R3HDM2: variants seen among roughly 807,000 people sequenced by gnomAD.
R3HDM2 encodes the protein R3H domain containing 2.
In R3HDM2, 38 loss-of-function variants were observed where a neutral mutation model predicts 124.5. That is an observed-to-expected ratio of 0.31 (90% CI 0.24 to 0.40). R3HDM2 has a LOEUF of 0.40. R3HDM2 is among the 10% of genes least tolerant of loss of function. The pLI, the probability that R3HDM2 is intolerant of heterozygous loss-of-function variation, is 1.00. For synonymous variants in R3HDM2, 391 were observed against 448.0 expected (o/e 0.87, Z 1.61); for missense variants, 869 against 1,236.9 (o/e 0.70, Z 4.46).
intron 2 of R3HDM2, among the ~76,000 whole-genome samples, chr12:57,348,839 G>A (rs190813285): frequency 8.3e-4 from 126 of 152,038 alleles, no homozygotes; most frequent in Non-Finnish European, 1.5e-3. Context: ...GCAGTGAGCC[G>A]TGATCGCACC....
chr12:57,379,331 A>T (rs2064523343), intron 2 of R3HDM2, among the ~76,000 whole-genome samples: 1 of 152,240 alleles, frequency 6.6e-6, no homozygotes, highest in Admixed American at 6.5e-5. Flanking sequence ...CTGTAATCCC[A>T]GCACTTTGGG....
chr12:57,416,311 T>C (rs2069596485), intron 1 of R3HDM2, among the ~76,000 whole-genome samples: 1 of 152,078 alleles, frequency 6.6e-6, no homozygotes, highest in Non-Finnish European at 1.5e-5. Flanking sequence ...AACATACAAA[T>C]GTGGCAAAAT....
rs1372663247 is a variant in R3HDM2, at chr12:57,296,038, T to A, written c.701+373A>T. ...GCGCCTGCCACCGCGCCCGGCTAATTTTTGTATTTTTAGTAGAGACGGGGT... is the reference window on the plus strand; with the variant it reads ...GCGCCTGCCACCGCGCCCGGCTAATATTTGTATTTTTAGTAGAGACGGGGT... On this transcript the variant is annotated intron_variant, in intron 9 of 23. Transcript: ENST00000402412. The surrounding 1 kb of genome is among the most constrained non-coding windows in gnomAD (Gnocchi z 4.5). Among the ~76,000 whole-genome samples, 1 of 152,102 alleles carries A rather than the reference T, an allele frequency of 6.6e-6. No individual in the cohort carries two copies.
intron 14 of R3HDM2, among the ~76,000 whole-genome samples, chr12:57,279,256 C>T (rs900886369): frequency 6.7e-6 from 1 of 149,226 alleles, no homozygotes; most frequent in Non-Finnish European, 1.5e-5. Context: ...GATCTCGGCT[C>T]GCCGCAACCT....
At chr12:57,322,538 G>A (rs2056620175) in intron 2 of R3HDM2, among the ~76,000 whole-genome samples, 1 of 152,204 alleles carries the variant, frequency 6.6e-6, no homozygotes, top group African/African-American at 2.4e-5. Context: ...GTGCAGCTAA[G>A]CAACCTGATC....
rs2051667380 is a variant in R3HDM2, at chr12:57,303,209, T to C, written c.174A>G (p.Thr58=). 1.3e-6 allele frequency: 2 copies of C among 1,529,412 alleles called. No homozygotes were observed. The highest frequency in any genetic ancestry group is 1.8e-6 in the Non-Finnish European group (2 of 1,126,862). The allele number at this position is 1,529,412 out of a possible 1,614,324, so 94.7% of individuals were successfully genotyped here. A position where few individuals can be genotyped will look rare whatever the true frequency, so the allele number is the denominator to read the frequency against. The change falls in exon 4 of 24, where the codon ACA becomes ACG. Residue 58 remains threonine (T), a synonymous_variant. Transcript: ENST00000402412. ...TSLRQETQRR[T]SNHGHARKRA... is the part of the protein sequence containing the mutation. ...TTTTCCTGGCATGACCATGGTTAGA[T>C]GTCCGCCTCTGTTAGAAGGGAATTG...
In R3HDM2 at chr12:57,253,963, AG is replaced by A. The variant is rs1348818999; in HGVS notation, c.*809del. ...AATATACAAGTGTTCTGGGGGGGCC[AG>A]GGGAATCCCAAGTTTTAACTCTGTG... On this transcript the variant is annotated 3_prime_UTR_variant, in exon 24 of 24. Coordinates refer to ENST00000402412, the MANE Select transcript of R3HDM2 (RefSeq NM_001394031.1). 3 of 353,332 alleles carry A rather than the reference AG, an allele frequency of 8.5e-6. No individual in the cohort carries two copies. Among genetic ancestry groups the A allele is most frequent in the Non-Finnish European group, 1.1e-5 (2 of 186,446 alleles). The allele number at this position is 353,332 out of a possible 1,614,324, so 21.9% of individuals were successfully genotyped here.
chr12:57,368,044 A>AT lies in R3HDM2; in HGVS notation c.-36+27704dup, dbSNP rs1245574804. Among the ~76,000 whole-genome samples the AT allele has an allele frequency of 2.5e-3, 365 of 146,274 alleles. 2 individuals carry two copies. Among genetic ancestry groups the AT allele is most frequent in the Non-Finnish European group, 4.1e-3 (270 of 66,112 alleles). On this transcript the variant is annotated intron_variant, in intron 2 of 23. Transcript: ENST00000402412. ...TTCACAGAACCGTGTTTCTTTTGTG[A>AT]TTTTTTTTTTGGTTTTTTGGTTACT...
intron 7 of R3HDM2, chr12:57,297,704 T>C (rs2050184261): frequency 2.8e-6 from 1 of 361,442 alleles, no homozygotes; most frequent in Non-Finnish European, 5.0e-6. Context: ...CTGTATTCCA[T>C]CTTGTTATAA....
chr12:57,312,928 C>CAAAA (rs57500144), intron 2 of R3HDM2, among the ~76,000 whole-genome samples: 3 of 49,862 alleles, frequency 6.0e-5, no homozygotes, highest in Non-Finnish European at 1.3e-4. Context: ...GACTCTGGCT[C>CAAAA]AAAAAAAAAA....
intron 1 of R3HDM2, among the ~76,000 whole-genome samples, chr12:57,429,116 T>C (rs1265840109): frequency 2.0e-5 from 3 of 152,164 alleles, no homozygotes; most frequent in African/African-American, 7.2e-5. Context: ...CCAAGAGCAA[T>C]GGCTCACGCC....
intron 21 of R3HDM2, among the ~76,000 whole-genome samples, chr12:57,257,136 T>C (rs1436813878): frequency 2.0e-5 from 3 of 152,130 alleles, no homozygotes; most frequent in African/African-American, 4.8e-5. Context: ...ATCTCTTATA[T>C]AGATTCTCCC....
intron 14 of R3HDM2, among the ~76,000 whole-genome samples, chr12:57,277,099 C>CAA (rs11321648): frequency 9.4e-5 from 10 of 106,440 alleles, no homozygotes; most frequent in African/African-American, 2.6e-4. Flanking sequence ...AAATAATGAA[C>CAA]AAAAAAAAAA....
intron 1 of R3HDM2, among the ~76,000 whole-genome samples, chr12:57,396,922 T>A (rs1239525264): frequency 6.6e-6 from 1 of 151,896 alleles, no homozygotes; most frequent in South Asian, 2.1e-4. Context: ...TGAAACACCA[T>A]CTCTACTAAA....
intron 2 of R3HDM2, among the ~76,000 whole-genome samples, chr12:57,312,928 CA>C (rs57500144): frequency 0.14 from 6,898 of 49,942 alleles, 137 homozygotes; most frequent in African/African-American, 0.28. Context: ...GACTCTGGCT[CA>C]AAAAAAAAAA....
chr12:57,377,060 T>A (rs189750150), intron 2 of R3HDM2, among the ~76,000 whole-genome samples: 260 of 121,502 alleles, frequency 2.1e-3, no homozygotes, highest in Non-Finnish European at 3.7e-3. Flanking sequence ...TTGCTGCTGC[T>A]CACTCCTTGG....
chr12:57,335,667 T>A lies in R3HDM2; in HGVS notation c.-35-25204A>T, dbSNP rs1341436975. ...CAGGTGCCACCATACCCAGCTAACT[T>A]TTTTTTTTTTTTTTTGGTAGGGACA... On this transcript the variant is annotated intron_variant, in intron 2 of 23. Coordinates refer to ENST00000402412, the MANE Select transcript of R3HDM2 (RefSeq NM_001394031.1). 1.8e-3 allele frequency among the ~76,000 whole-genome samples: 177 copies of A among 96,490 alleles called. 1 individual carries two copies. Among genetic ancestry groups the A allele is most frequent in the Non-Finnish European group, 3.6e-3 (141 of 38,838 alleles). The allele number at this position is 96,490 out of a possible 152,430, so 63.3% of individuals were successfully genotyped here.
At chr12:57,262,096 C>T (rs2041013969) in intron 19 of R3HDM2, among the ~76,000 whole-genome samples, 1 of 152,142 alleles carries the variant, frequency 6.6e-6, no homozygotes, top group African/African-American at 2.4e-5. Context: ...CCAGAAATCA[C>T]ATCTATGGAA....
intron 2 of R3HDM2, among the ~76,000 whole-genome samples, chr12:57,349,307 G>C (rs905745673): frequency 6.9e-6 from 1 of 145,164 alleles, no homozygotes; most frequent in Non-Finnish European, 1.5e-5. Context: ...GTGAACCCGG[G>C]AGGCAGAGCT....
Sources: allele counts gnomAD v4.1 joint callset (sites outside exome capture counted in the v4.1 genomes callset), GRCh38; gene constraint gnomAD v4.1.1; non-coding constraint Gnocchi (gnomAD v3.1); transcripts MANE v1.5; gene names NCBI Gene and HGNC (gene_info 2026-07-23, HGNC 2026-07-21).